The following RNF150 variants were observed in gnomAD, a reference collection of about 807,000 sequenced individuals.
RNF150 encodes the protein ring finger protein 150.
A neutral mutation model predicts 39.3 loss-of-function variants in RNF150; 24 were observed. The observed-to-expected ratio is 0.61, with a 90% CI of 0.44 to 0.86. RNF150 has a LOEUF of 0.86. Ranked by LOEUF, RNF150 falls within the 40% of genes least tolerant of loss-of-function variation. The pLI is 0.00. For missense variants in RNF150, 502 were observed against 587.8 expected (o/e 0.85, Z 1.51); for synonymous variants, 255 against 227.3 (o/e 1.12, Z -1.10).
chr4:140,954,263 G>A (rs1421234244), intron 2 of RNF150, among the ~76,000 whole-genome samples: 1 of 151,998 alleles, frequency 6.6e-6, no homozygotes, highest in Non-Finnish European at 1.5e-5. Flanking sequence ...ACCCAGGCTG[G>A]AGTGCAATGG....
chr4:140,879,540 A>G (rs929597064), intron 6 of RNF150, among the ~76,000 whole-genome samples: 14 of 152,170 alleles, frequency 9.2e-5, no homozygotes, highest in African/African-American at 2.7e-4. Context: ...CTGTTCAGAA[A>G]TTCAACTAAT....
chr4:141,133,115 T>G lies in RNF150; in HGVS notation c.-307A>C, dbSNP rs182415255. 9.5e-6 allele frequency: 3 copies of G among 317,208 alleles called. No individual in the cohort carries two copies. The highest frequency in any genetic ancestry group is 9.3e-5 in the East Asian group (1 of 10,706). 19.6% of individuals were successfully genotyped at this position (317,208 alleles called of 1,614,324 possible). A position where few individuals can be genotyped will look rare whatever the true frequency, so the allele number is the denominator to read the frequency against. On this transcript the variant is annotated 5_prime_UTR_variant, in exon 1 of 7. Coordinates refer to ENST00000515673, the MANE Select transcript of RNF150 (RefSeq NM_020724.2). Reference sequence around the variant, plus strand: ...GTCCTGCTGCCGAGCGTCCTGCTCCTTCGCCCGGCTTCGCCTTCTCTCATA... The same window carrying G: ...GTCCTGCTGCCGAGCGTCCTGCTCCGTCGCCCGGCTTCGCCTTCTCTCATA...
chr4:141,073,491 T>G (rs1376124200), intron 1 of RNF150, among the ~76,000 whole-genome samples: 1 of 151,642 alleles, frequency 6.6e-6, no homozygotes, highest in Non-Finnish European at 1.5e-5. Context: ...TCATGGGGGA[T>G]GCAAAATAAA....
chr4:140,918,653 C>G (rs372585599), intron 5 of RNF150, among the ~76,000 whole-genome samples: 2 of 151,776 alleles, frequency 1.3e-5, no homozygotes, highest in East Asian at 3.9e-4. Flanking sequence ...CCAATCAATA[C>G]AAAAAGAGGA....
intron 1 of RNF150, among the ~76,000 whole-genome samples, chr4:140,968,725 T>C (rs1423810441): frequency 6.6e-6 from 1 of 151,830 alleles, no homozygotes; most frequent in East Asian, 1.9e-4. Context: ...CACTTTTATA[T>C]ATATGGGTCA....
chr4:141,101,769 C>T (rs899982311), intron 1 of RNF150, among the ~76,000 whole-genome samples: 3 of 151,958 alleles, frequency 2.0e-5, no homozygotes, highest in Admixed American at 6.6e-5. Context: ...TTTTTAGCTC[C>T]ATTATAATCT....
intron 1 of RNF150, among the ~76,000 whole-genome samples, chr4:141,038,784 T>A (rs796364133): frequency 6.6e-6 from 1 of 152,058 alleles, no homozygotes; most frequent in African/African-American, 2.4e-5. Context: ...ACAATGATCA[T>A]AGAAGCAGAA....
chr4:140,956,133 G>A (rs1317801405), intron 2 of RNF150, among the ~76,000 whole-genome samples: 1 of 152,162 alleles, frequency 6.6e-6, no homozygotes, highest in South Asian at 2.1e-4. Flanking sequence ...CATCTATTGG[G>A]AGTTCTGTGT....
At chr4:140,921,536 G>T (rs899681604) in intron 5 of RNF150, among the ~76,000 whole-genome samples, 4 of 152,092 alleles carry the variant, frequency 2.6e-5, no homozygotes, top group African/African-American at 9.7e-5. Context: ...TTCTACCAGA[G>T]GTACAAGGAG....
chr4:140,920,132 G>A (rs936401463), intron 5 of RNF150, among the ~76,000 whole-genome samples: 2 of 149,984 alleles, frequency 1.3e-5, no homozygotes, highest in Non-Finnish European at 3.0e-5. Context: ...CATGGGCAAG[G>A]ACTTCATGTC....
intron 1 of RNF150, among the ~76,000 whole-genome samples, chr4:141,108,144 C>G (rs912776830): frequency 1.6e-4 from 25 of 152,324 alleles, no homozygotes; most frequent in African/African-American, 5.3e-4. Context: ...ATATAGCTCA[C>G]ATCTCTGCAG....
At chr4:140,999,947 AGAAGAAGAAGAAGAAGAAGAAGAAGAAG>A (rs1734529226) in intron 1 of RNF150, among the ~76,000 whole-genome samples, 1 of 38,828 alleles carries the variant, frequency 2.6e-5, no homozygotes, top group Non-Finnish European at 6.9e-5. Flanking sequence ...CAAAAAAAGA[AGAAGAAGAAGAAGAAGAAGAAGAAGAAG>A]AAAAGAAGAA....
chr4:141,133,763 G>C (rs973212050), upstream of RNF150, among the ~76,000 whole-genome samples: 3 of 152,128 alleles, frequency 2.0e-5, no homozygotes, highest in Non-Finnish European at 2.9e-5. Context: ...ACTGCCGTGA[G>C]CTCCCTGATT....
At chr4:140,943,557 TA>T (rs1212282950) in intron 4 of RNF150, among the ~76,000 whole-genome samples, 2 of 152,232 alleles carry the variant, frequency 1.3e-5, no homozygotes, top group Non-Finnish European at 2.9e-5. Flanking sequence ...TGTCTGGTAT[TA>T]ATTCCTCCAA....
intron 1 of RNF150, among the ~76,000 whole-genome samples, chr4:141,164,000 G>A (rs191815082): frequency 1.3e-5 from 2 of 152,026 alleles, no homozygotes; most frequent in Admixed American, 1.3e-4. Context: ...TAATAAGAAA[G>A]TCTTTCAAGC....
At chr4:140,979,875 T>G (rs930243895) in intron 1 of RNF150, among the ~76,000 whole-genome samples, 3 of 152,074 alleles carry the variant, frequency 2.0e-5, no homozygotes, top group Non-Finnish European at 4.4e-5. Flanking sequence ...AATGAATAAC[T>G]GGGTTAGCAA....
chr4:140,886,550 T>A (rs1205544566), intron 6 of RNF150, among the ~76,000 whole-genome samples: 1 of 152,226 alleles, frequency 6.6e-6, no homozygotes, highest in Non-Finnish European at 1.5e-5. Context: ...GACATAGGTA[T>A]TGCAAATATT....
At chr4:140,916,930 T>C (rs1340801254) in intron 5 of RNF150, among the ~76,000 whole-genome samples, 1 of 152,160 alleles carries the variant, frequency 6.6e-6, no homozygotes, top group Non-Finnish European at 1.5e-5. Context: ...GAATTTCATA[T>C]CCAGCCAAAC....
At chr4:141,118,550 T>C (rs1241969325) in intron 1 of RNF150, among the ~76,000 whole-genome samples, 6 of 152,086 alleles carry the variant, frequency 3.9e-5, no homozygotes, top group African/African-American at 1.2e-4. Flanking sequence ...TCAAAAACAC[T>C]GGGCCCCAAT....
Sources: gnomAD v4.1 joint callset for allele counts (sites outside exome capture counted in the v4.1 genomes callset) on GRCh38, gnomAD v4.1.1 for gene constraint, MANE v1.5 for transcripts, NCBI Gene and HGNC (gene_info 2026-07-23, HGNC 2026-07-21) for gene names.